Variants in TAF12 observed in about 807,000 individuals in gnomAD.
TAF12 encodes the protein TATA-box binding protein associated factor 12.
In TAF12, 3 loss-of-function variants were observed where a neutral mutation model predicts 20.8. The ratio of observed to expected loss-of-function variants is 0.14; its 90% CI spans 0.07 to 0.37. TAF12 has a LOEUF of 0.37. Among genes scored for constraint, TAF12 ranks in the 10% least tolerant of loss-of-function variants. The pLI is 1.00. For synonymous variants in TAF12, 69 were observed against 70.2 expected, an observed-to-expected ratio of 0.98 and a Z score of 0.09; for missense variants, 131 against 197.9, an observed-to-expected ratio of 0.66 and a Z score of 2.03.
chr1:28,626,728 G>A (rs1570321094), intron 1 of TAF12, among the ~76,000 whole-genome samples: 1 of 151,212 alleles, frequency 6.6e-6, no homozygotes, highest in African/African-American at 2.4e-5. Flanking sequence ...GGCCACCATG[G>A]TGAAACCCCA....
intron 1 of TAF12, among the ~76,000 whole-genome samples, chr1:28,626,581 CAA>C (rs549427311): frequency 3.8e-4 from 23 of 60,262 alleles, no homozygotes; most frequent in East Asian, 5.4e-4. Flanking sequence ...AACTCTGTCT[CAA>C]AAAAAAAAAA....
At position 28,605,392 on chromosome 1, in the gene TAF12, T is replaced by G; in HGVS notation, c.430A>C (p.Thr144Pro). ...EEIRPYKKAC[T>P]TEAHKQRMAL... ...CTCACCTGTTTGTGAGCTTCTGTGG[T>G]GCAAGCTTTTTTGTAGGGTCGGATT... The change falls in exon 5 of 6, where the codon ACC (threonine) becomes CCC (proline). Residue 144 changes from threonine (T) to proline (P), a missense_variant. Thr to Pro is a conservative substitution (Grantham distance 38, BLOSUM62 -1). Coordinates refer to ENST00000373824, the MANE Select transcript of TAF12 (RefSeq NM_005644.4). 6 of 1,614,096 alleles carry G rather than the reference T, an allele frequency of 3.7e-6. No individual in the cohort carries two copies. Among genetic ancestry groups the G allele is most frequent in the Non-Finnish European group, 5.1e-6 (6 of 1,180,002 alleles).
At chr1:28,613,492 G>T (rs1480544343) in intron 3 of TAF12, 131 bp from the exon 4 acceptor site, 1 of 712,152 alleles carries the variant, frequency 1.4e-6, no homozygotes, top group Middle Eastern at 3.9e-4. Flanking sequence ...TCAGCATTTG[G>T]GCTAAGGTGG....
intron 1 of TAF12, among the ~76,000 whole-genome samples, chr1:28,623,632 T>TA (rs889114364): frequency 2.6e-5 from 4 of 152,268 alleles, no homozygotes; most frequent in Middle Eastern, 3.4e-3. Flanking sequence ...TCACATCCTT[T>TA]AAAAAAATCA....
intron 1 of TAF12, among the ~76,000 whole-genome samples, chr1:28,638,007 A>AT (rs1020501640): frequency 6.6e-6 from 1 of 151,738 alleles, no homozygotes; most frequent in African/African-American, 2.4e-5. Flanking sequence ...AATTATTATT[A>AT]TTATTTTTTT....
At position 28,627,769 on chromosome 1, in the gene TAF12, T is replaced by C. The variant is rs142764190; in HGVS notation, c.-84-5604A>G. ...GAAACTCGACAAAAATTTACTGCTG[T>C]CACTGACCTTGCTGAAAAGCAAACA... On this transcript the variant is annotated intron_variant, in intron 1 of 5. Transcript: ENST00000373824. 2.2e-3 allele frequency among the ~76,000 whole-genome samples: 329 copies of C among 151,778 alleles called. 2 individuals are homozygous for C. Among genetic ancestry groups the C allele is most frequent in the African/African-American group, 7.8e-3 (321 of 41,370 alleles).
At chr1:28,613,478 G>T in intron 3 of TAF12, 117 bp from the exon 4 acceptor site, 1 of 827,220 alleles carries the variant, frequency 1.2e-6, no homozygotes, top group Non-Finnish European at 1.9e-6. Context: ...GTAGAAGGCT[G>T]GAATCAGCAT....
intron 1 of TAF12, among the ~76,000 whole-genome samples, chr1:28,629,747 A>C (rs947045593): frequency 4.7e-5 from 7 of 150,166 alleles, no homozygotes; most frequent in African/African-American, 1.7e-4. Context: ...CTCAAGCAAT[A>C]ATCTTGCATC....
chr1:28,623,307 AG>A (rs1667280947), intron 1 of TAF12, among the ~76,000 whole-genome samples: 1 of 152,086 alleles, frequency 6.6e-6, no homozygotes, highest in South Asian at 2.1e-4. Flanking sequence ...GGATCACCTG[AG>A]GTCAGGAGTT....
chr1:28,615,592 T>C (rs1356724271), intron 3 of TAF12, among the ~76,000 whole-genome samples: 1 of 133,094 alleles, frequency 7.5e-6, no homozygotes, highest in African/African-American at 2.9e-5. Context: ...TGCAGGAGAA[T>C]CACTTGAACC....
chr1:28,612,866 A>C (rs1666913350), intron 4 of TAF12, among the ~76,000 whole-genome samples: 1 of 152,176 alleles, frequency 6.6e-6, no homozygotes, highest in Non-Finnish European at 1.5e-5. Context: ...CAGTACCTAC[A>C]TTGACTAGAT....
upstream of TAF12, among the ~76,000 whole-genome samples, chr1:28,643,685 A>G (rs1668115051): frequency 6.6e-6 from 1 of 151,934 alleles, no homozygotes. Flanking sequence ...CTCAGCTTGA[A>G]CTCAGAACTC....
upstream of TAF12, among the ~76,000 whole-genome samples, chr1:28,645,353 T>C (rs1479411537): frequency 6.7e-6 from 1 of 149,264 alleles, no homozygotes; most frequent in Non-Finnish European, 1.5e-5. Flanking sequence ...TTTTTTTTTT[T>C]CTTTAAGAGA....
intron 1 of TAF12, among the ~76,000 whole-genome samples, chr1:28,625,129 A>T (rs560253851): frequency 6.6e-6 from 1 of 152,252 alleles, no homozygotes; most frequent in Non-Finnish European, 1.5e-5. Context: ...AACATACTTT[A>T]TCTCTCAAAA....
chr1:28,605,847 C>A (rs1260028181), intron 4 of TAF12, among the ~76,000 whole-genome samples: 1 of 152,178 alleles, frequency 6.6e-6, no homozygotes, highest in East Asian at 1.9e-4. Flanking sequence ...GTTGCCCAGG[C>A]TGGAGTGCAA....
At chr1:28,648,239 C>G in exon 1 of TAF12, 2 of 985,342 alleles carry the variant, frequency 2.0e-6, no homozygotes, top group Non-Finnish European at 2.4e-6. Flanking sequence ...CGCCATGAGA[C>G]GCCTTCTGTC....
intron 1 of TAF12, among the ~76,000 whole-genome samples, chr1:28,622,857 C>T (rs1423177232): frequency 3.3e-5 from 5 of 151,802 alleles, no homozygotes; most frequent in Non-Finnish European, 7.4e-5. Context: ...CCCATCTCTA[C>T]TAAAAATACA....
intron 1 of TAF12, among the ~76,000 whole-genome samples, chr1:28,634,290 C>T (rs1240736232): frequency 6.6e-6 from 1 of 151,686 alleles, no homozygotes; most frequent in Non-Finnish European, 1.5e-5. Context: ...GTGGCGCTTG[C>T]CTGTAATCTC....
intron 1 of TAF12, among the ~76,000 whole-genome samples, chr1:28,636,416 C>A (rs146929222): frequency 1.1e-4 from 17 of 152,216 alleles, no homozygotes; most frequent in African/African-American, 3.9e-4. Flanking sequence ...TAAGTACCAA[C>A]TGTGCCACTT....
Sources: allele counts gnomAD v4.1 joint callset (sites outside exome capture counted in the v4.1 genomes callset), GRCh38; gene constraint gnomAD v4.1.1; transcripts MANE v1.5; gene names NCBI Gene and HGNC (gene_info 2026-07-23, HGNC 2026-07-21).